ERBB4: variants seen among roughly 807,000 people sequenced by gnomAD.
ERBB4 encodes the protein receptor tyrosine-protein kinase erbB-4.
In ERBB4, 42 loss-of-function variants were observed where a neutral mutation model predicts 158.0. The ratio of observed to expected loss-of-function variants is 0.27; its 90% CI spans 0.21 to 0.34. ERBB4 has a LOEUF of 0.34. Ranked by LOEUF, ERBB4 falls within the 10% of genes least tolerant of loss-of-function variation. The pLI is 1.00. For synonymous variants in ERBB4, 583 were observed against 558.7 expected, an observed-to-expected ratio of 1.04 and a Z score of -0.61; for missense variants, 1,333 against 1,624.1, an observed-to-expected ratio of 0.82 and a Z score of 3.08.
intron 1 of ERBB4, among the ~76,000 whole-genome samples, chr2:212,221,840 A>G (rs1440348653): frequency 6.6e-6 from 1 of 151,434 alleles, no homozygotes; most frequent in East Asian, 1.9e-4. Context: ...ATTATACCTC[A>G]CCTATGCCTG....
chr2:211,761,241 T>TTTTA (rs1191998771), intron 4 of ERBB4, among the ~76,000 whole-genome samples: 4 of 151,934 alleles, frequency 2.6e-5, no homozygotes, highest in Admixed American at 1.3e-4. Context: ...GCATCCTTAT[T>TTTTA]TTTATTTTTT....
intron 3 of ERBB4, among the ~76,000 whole-genome samples, chr2:211,912,876 A>G (rs10204019): frequency 0.36 from 54,816 of 151,982 alleles, 10,892 homozygotes; most frequent in African/African-American, 0.53. Context: ...TCTCTGAGAG[A>G]TGCTACCTGT....
At chr2:212,455,309 C>A (rs1688228369) in intron 1 of ERBB4, among the ~76,000 whole-genome samples, 1 of 152,186 alleles carries the variant, frequency 6.6e-6, no homozygotes, top group African/African-American at 2.4e-5. Context: ...ATGCTTCTTT[C>A]CATTCTCTCA....
intron 2 of ERBB4, among the ~76,000 whole-genome samples, chr2:212,017,519 T>A (rs1054675063): frequency 1.3e-5 from 2 of 152,156 alleles, no homozygotes; most frequent in African/African-American, 4.8e-5. Context: ...CTATGCAAGG[T>A]AAGATAAATT....
chr2:211,776,953 G>A (rs183450371), intron 4 of ERBB4, among the ~76,000 whole-genome samples: 111 of 152,196 alleles, frequency 7.3e-4, no homozygotes, highest in Middle Eastern at 6.8e-3. Context: ...CTGTTGGAGC[G>A]TTCGTGGTTA....
chr2:212,206,618 C>A (rs1028945165), intron 1 of ERBB4, among the ~76,000 whole-genome samples: 1 of 91,474 alleles, frequency 1.1e-5, no homozygotes, highest in African/African-American at 5.5e-5. Context: ...GACGGAGTCT[C>A]GCTCTTTTGC....
chr2:211,679,971 C>T (rs921120360), intron 12 of ERBB4, among the ~76,000 whole-genome samples: 8 of 152,148 alleles, frequency 5.3e-5, no homozygotes, highest in Non-Finnish European at 7.3e-5. Flanking sequence ...TGAGGCACTG[C>T]GCCAACCAAA....
At chr2:211,912,808 G>A (rs759805625) in intron 3 of ERBB4, among the ~76,000 whole-genome samples, 1 of 152,130 alleles carries the variant, frequency 6.6e-6, no homozygotes, top group Non-Finnish European at 1.5e-5. Context: ...ATCTAGGAGA[G>A]GTTAACTGAT....
At chr2:212,198,733 CTTTT>C (rs11448093) in intron 1 of ERBB4, among the ~76,000 whole-genome samples, 2 of 96,430 alleles carry the variant, frequency 2.1e-5, no homozygotes, top group Non-Finnish European at 3.8e-5. Context: ...TCACCACGCC[CTTTT>C]TTTTTTTTTT....
At chr2:211,704,496 C>A (rs758636352) in intron 10 of ERBB4, among the ~76,000 whole-genome samples, 2 of 152,152 alleles carry the variant, frequency 1.3e-5, no homozygotes, top group Non-Finnish European at 2.9e-5. Context: ...AAATCTTTTA[C>A]GTCTTCATCT....
At position 211,515,196 on chromosome 2, in the gene ERBB4, T is replaced by G. The variant is rs183206984; in HGVS notation, c.2487+46707A>C. ...TGGAAATTGGATGATTTAGCAGAGC[T>G]GAATCTGAAGGGAACCAAGAAAAAG... On this transcript the variant is annotated intron_variant, in intron 20 of 27. Transcript: ENST00000342788. Among the ~76,000 whole-genome samples, 8 of 152,212 alleles carry G rather than the reference T, an allele frequency of 5.3e-5. No homozygotes were observed. The East Asian group carries it at 1.5e-3, about 29-fold the overall frequency.
chr2:212,153,968 AAC>A (rs1398409864), intron 1 of ERBB4, among the ~76,000 whole-genome samples: 1 of 151,928 alleles, frequency 6.6e-6, no homozygotes, highest in Admixed American at 6.6e-5. Context: ...TTCACTTTAA[AAC>A]ACAGTCATTT....
chr2:211,849,962 T>C (rs1425054069), intron 3 of ERBB4, among the ~76,000 whole-genome samples: 1 of 151,974 alleles, frequency 6.6e-6, no homozygotes, highest in Non-Finnish European at 1.5e-5. Flanking sequence ...AATCTCTTGC[T>C]AGGCTGTTTA....
At chr2:211,670,251 G>A (rs1396166867) in intron 14 of ERBB4, among the ~76,000 whole-genome samples, 1 of 152,122 alleles carries the variant, frequency 6.6e-6, no homozygotes, top group Non-Finnish European at 1.5e-5. Context: ...AATCATTAAG[G>A]GTTGAAAGAA....
intron 3 of ERBB4, among the ~76,000 whole-genome samples, chr2:211,855,184 T>A (rs189185928): frequency 3.0e-4 from 45 of 152,310 alleles, no homozygotes; most frequent in Admixed American, 2.9e-3. Context: ...GCACATTTTT[T>A]ATTGAGTTAC....
At chr2:212,453,540 T>G (rs970450161) in intron 1 of ERBB4, among the ~76,000 whole-genome samples, 12 of 152,218 alleles carry the variant, frequency 7.9e-5, no homozygotes, top group Non-Finnish European at 1.6e-4. Context: ...TGCATTGATA[T>G]CTACCAAAAT....
At chr2:211,639,691 A>G (rs1462844649) in intron 16 of ERBB4, among the ~76,000 whole-genome samples, 2 of 152,156 alleles carry the variant, frequency 1.3e-5, no homozygotes. Flanking sequence ...ACTACATAAG[A>G]CAGATACAGA....
chr2:211,533,915 T>A (rs2066573008), intron 20 of ERBB4, among the ~76,000 whole-genome samples: 1 of 152,118 alleles, frequency 6.6e-6, no homozygotes, highest in African/African-American at 2.4e-5. Flanking sequence ...TGCTCATGCT[T>A]ACTGAAGAGT....
chr2:212,421,291 T>G (rs1372013017), intron 1 of ERBB4, among the ~76,000 whole-genome samples: 6 of 147,580 alleles, frequency 4.1e-5, no homozygotes, highest in Admixed American at 4.0e-4. Flanking sequence ...TCAGATGAAT[T>G]GAAACTCATT....
Sources: allele counts gnomAD v4.1 joint callset (sites outside exome capture counted in the v4.1 genomes callset), GRCh38; gene constraint gnomAD v4.1.1; transcripts MANE v1.5; gene names NCBI Gene and HGNC (gene_info 2026-07-23, HGNC 2026-07-21).